CERS6: variants seen among roughly 807,000 people sequenced by gnomAD.
CERS6 encodes the protein LAG1 homolog, ceramide synthase 6.
In CERS6, 26 loss-of-function variants were observed where a neutral mutation model predicts 56.8. That is an observed-to-expected ratio of 0.46 (90% CI 0.34 to 0.63). The LOEUF (loss-of-function observed/expected upper bound fraction) is 0.63. CERS6 is among the 30% of genes least tolerant of loss of function. CERS6 has a pLI of 0.01. For synonymous variants in CERS6, 164 were observed against 173.3 expected, an observed-to-expected ratio of 0.95 and a Z score of 0.42; for missense variants, 415 against 467.5, an observed-to-expected ratio of 0.89 and a Z score of 1.04.
intron 3 of CERS6, among the ~76,000 whole-genome samples, chr2:168,583,191 T>C (rs1683459398): frequency 6.6e-6 from 1 of 152,170 alleles, no homozygotes; most frequent in South Asian, 2.1e-4. Context: ...CTTAGAAATA[T>C]GCACTAATGA....
intron 3 of CERS6, among the ~76,000 whole-genome samples, chr2:168,562,334 GTA>G (rs1558999246): frequency 6.6e-6 from 1 of 152,178 alleles, no homozygotes; most frequent in African/African-American, 2.4e-5. Flanking sequence ...AAGACACAAA[GTA>G]TAGAGAAACA....
At chr2:168,616,935 T>G (rs4525661) in intron 3 of CERS6, among the ~76,000 whole-genome samples, 2,624 of 152,300 alleles carry the variant, frequency 0.017, 102 homozygotes, top group East Asian at 0.16. Flanking sequence ...GAATATGCAT[T>G]TGATTCATCA....
intron 1 of CERS6, among the ~76,000 whole-genome samples, chr2:168,494,767 G>A (rs564188155): frequency 9.9e-5 from 15 of 152,252 alleles, no homozygotes; most frequent in African/African-American, 3.4e-4. Context: ...TAAAAGCATG[G>A]AATATCGATA....
At chr2:168,663,409 T>A (rs1230428102) in intron 4 of CERS6, among the ~76,000 whole-genome samples, 1 of 152,170 alleles carries the variant, frequency 6.6e-6, no homozygotes, top group Non-Finnish European at 1.5e-5. Context: ...AAAACTATTA[T>A]AATTTTATTT....
chr2:168,713,552 G>C (rs1356990057), intron 6 of CERS6, among the ~76,000 whole-genome samples: 1 of 152,134 alleles, frequency 6.6e-6, no homozygotes, highest in Non-Finnish European at 1.5e-5. Flanking sequence ...AGATGGTCAG[G>C]AGATAATATC....
chr2:168,520,495 T>C (rs2105355919), intron 1 of CERS6, among the ~76,000 whole-genome samples: 1 of 151,944 alleles, frequency 6.6e-6, no homozygotes, highest in Non-Finnish European at 1.5e-5. Context: ...TAGTCATAAA[T>C]TATTTGCCTG....
At chr2:168,517,429 T>G (rs1296113010) in intron 1 of CERS6, among the ~76,000 whole-genome samples, 2 of 150,646 alleles carry the variant, frequency 1.3e-5, no homozygotes, top group Non-Finnish European at 3.0e-5. Flanking sequence ...GAAGCGGAGG[T>G]CACAGTGAGC....
intron 1 of CERS6, among the ~76,000 whole-genome samples, chr2:168,478,378 A>G (rs1033690466): frequency 2.0e-5 from 3 of 152,086 alleles, no homozygotes; most frequent in Non-Finnish European, 2.9e-5. Flanking sequence ...CGGGGACCCA[A>G]TCTGGAGGTG....
chr2:168,665,712 T>C (rs36098171), intron 4 of CERS6, among the ~76,000 whole-genome samples: 61,511 of 152,100 alleles, frequency 0.4, 14,645 homozygotes, highest in Non-Finnish European at 0.54. Flanking sequence ...TGCTGTATAC[T>C]ACATACCTAC....
intron 2 of CERS6, among the ~76,000 whole-genome samples, chr2:168,553,294 A>C (rs1180003898): frequency 6.6e-6 from 1 of 152,220 alleles, no homozygotes; most frequent in Non-Finnish European, 1.5e-5. Flanking sequence ...TAAAACAATG[A>C]ATTAAAACAA....
chr2:168,483,007 G>A (rs1694205439), intron 1 of CERS6, among the ~76,000 whole-genome samples: 2 of 152,176 alleles, frequency 1.3e-5, no homozygotes, highest in Admixed American at 1.3e-4. Context: ...CTGAAGGCAG[G>A]AGTAAAGAGA....
chr2:168,733,870 C>T (rs1019709039), intron 8 of CERS6, among the ~76,000 whole-genome samples: 1 of 123,986 alleles, frequency 8.1e-6, no homozygotes, highest in Non-Finnish European at 1.9e-5. Context: ...GTTTCTCAGG[C>T]CTTCTCTTGA....
At chr2:168,592,686 G>A (rs1683703583) in intron 3 of CERS6, among the ~76,000 whole-genome samples, 1 of 152,102 alleles carries the variant, frequency 6.6e-6, no homozygotes, top group Non-Finnish European at 1.5e-5. Flanking sequence ...GCAGGGTGGA[G>A]GGGTGGATTT....
chr2:168,596,112 T>C (rs1683791266), intron 3 of CERS6, among the ~76,000 whole-genome samples: 1 of 150,534 alleles, frequency 6.6e-6, no homozygotes, highest in Non-Finnish European at 1.5e-5. Flanking sequence ...AAAATAAAAA[T>C]TATCATTAAA....
rs916864313 is a variant in CERS6, at chr2:168,704,767, C to T, written c.609+9716C>T. 4.6e-5 allele frequency among the ~76,000 whole-genome samples: 7 copies of T among 152,110 alleles called. No homozygotes were observed. The South Asian group carries it at 1.0e-3, about 23-fold the overall frequency. On this transcript the variant is annotated intron_variant, in intron 6 of 9. Transcript: ENST00000305747. The stretch of plus-strand genomic sequence containing the variant: ...GACTACAGGTGCGTGCCACCACACC[C>T]GGCTAATTTTTAGTAGAGACGGGCA...
chr2:168,742,233 C>A (rs1683934107), intron 8 of CERS6, among the ~76,000 whole-genome samples: 1 of 152,090 alleles, frequency 6.6e-6, no homozygotes, highest in Admixed American at 6.5e-5. Flanking sequence ...TTTTCAGGAG[C>A]CTGATGTTCT....
At chr2:168,749,908 C>T (rs1684212872) in intron 8 of CERS6, among the ~76,000 whole-genome samples, 1 of 152,212 alleles carries the variant, frequency 6.6e-6, no homozygotes, top group South Asian at 2.1e-4. Context: ...CAGAGAGTAG[C>T]AGCTCAGGGC....
At position 168,479,904 on chromosome 2, in the gene CERS6, G is replaced by A. The variant is rs532573468; in HGVS notation, c.170+23286G>A. On this transcript the variant is annotated intron_variant, in intron 1 of 9. Coordinates refer to ENST00000305747, the MANE Select transcript of CERS6 (RefSeq NM_203463.3). ...ATTACAGGCATGAGCCACGAATCCCGGCCTTAATACCTTTTCTGGTCTTTA... is the reference window on the plus strand; with the variant it reads ...ATTACAGGCATGAGCCACGAATCCCAGCCTTAATACCTTTTCTGGTCTTTA... 9.2e-5 allele frequency among the ~76,000 whole-genome samples: 14 copies of A among 152,276 alleles called. No individual in the cohort carries two copies. In the East Asian group the frequency reaches 2.1e-3, roughly 23 times the overall value.
intron 3 of CERS6, among the ~76,000 whole-genome samples, chr2:168,623,174 T>G (rs1234009749): frequency 1.3e-5 from 2 of 152,196 alleles, no homozygotes; most frequent in Non-Finnish European, 2.9e-5. Flanking sequence ...TAACCAAGAC[T>G]TCAAGCCCAT....
Sources: allele counts gnomAD v4.1 joint callset (sites outside exome capture counted in the v4.1 genomes callset), GRCh38; gene constraint gnomAD v4.1.1; transcripts MANE v1.5; gene names NCBI Gene and HGNC (gene_info 2026-07-23, HGNC 2026-07-21).